The following OAS2 variants were observed in gnomAD, a reference collection of about 807,000 sequenced individuals.
The protein encoded by OAS2 is 2'-5'-oligoadenylate synthetase 2, also known as 2'-5'-oligoadenylate synthase 2.
A neutral mutation model predicts 71.3 loss-of-function variants in OAS2; 67 were observed. The observed-to-expected ratio is 0.94, with a 90% CI of 0.77 to 1.15. OAS2 has a LOEUF of 1.15. Ranked by LOEUF, OAS2 falls within the 50% of genes most tolerant of loss-of-function variation. The pLI is 0.00. For synonymous variants in OAS2, 327 were observed against 321.8 expected (o/e 1.02, Z -0.17); for missense variants, 789 against 822.5 (o/e 0.96, Z 0.50).
At chr12:112,991,539 C>G (rs1460164648) in intron 2 of OAS2, among the ~76,000 whole-genome samples, 1 of 152,192 alleles carries the variant, frequency 6.6e-6, no homozygotes, top group Non-Finnish European at 1.5e-5. Flanking sequence ...GGCGGGACAA[C>G]TCGAAGCAAA....
intron 2 of OAS2, among the ~76,000 whole-genome samples, chr12:112,989,278 C>T (rs547774683): frequency 3.3e-5 from 5 of 152,244 alleles, no homozygotes; most frequent in Non-Finnish European, 7.3e-5. Flanking sequence ...TGCTCTTCCA[C>T]CATGATTGTG....
chr12:112,997,076 C>A (rs1044645198), intron 3 of OAS2, among the ~76,000 whole-genome samples: 2 of 152,116 alleles, frequency 1.3e-5, no homozygotes, highest in African/African-American at 2.4e-5. Context: ...CTATAGGGAA[C>A]AAAACATCTT....
At position 112,978,742 on chromosome 12, in the gene OAS2, T is replaced by C. The variant is rs1198204912; in HGVS notation, c.134T>C (p.Leu45Pro). 1 of 1,614,108 alleles carries C rather than the reference T, an allele frequency of 6.2e-7. No individual in the cohort carries two copies. Among genetic ancestry groups the C allele is most frequent in the Non-Finnish European group, 8.5e-7 (1 of 1,179,992 alleles). Residue 45 changes from leucine to proline, a missense_variant, in exon 1 of 10, where the codon CTG becomes CCG. Coordinates refer to ENST00000392583, the MANE Select transcript of OAS2 (RefSeq NM_002535.3). This position sits in a 1 kb window ranked among gnomAD's most constrained non-coding sequence, Gnocchi z 4.2. ...DEMVNTICDV[L>P]QEPEQFPLVQ... ...ATGGTGAACACCATCTGTGACGTCC[T>C]GCAGGAACCCGAACAGTTCCCCCTG...
chr12:112,995,179 C>G lies in OAS2; in HGVS notation c.449-117C>G, dbSNP rs957388156. ...TATGTAAAGGTACCTGTCCTCTGACCGATTAAGCAAGAGTCGTGTGCTATC... is the reference window on the plus strand; with the variant it reads ...TATGTAAAGGTACCTGTCCTCTGACGGATTAAGCAAGAGTCGTGTGCTATC... On this transcript the variant is annotated intron_variant, in intron 2 of 9. Coordinates refer to ENST00000392583, the MANE Select transcript of OAS2 (RefSeq NM_002535.3). 4 of 876,090 alleles carry G rather than the reference C, an allele frequency of 4.6e-6. No homozygotes were observed. In the Admixed American group the frequency reaches 1.1e-4, roughly 23 times the overall value. The allele number at this position is 876,090 out of a possible 1,614,324, so 54.3% of individuals were successfully genotyped here.
Position 112,996,900 on chromosome 12 carries a change from C to T in OAS2, c.628-620C>T, listed in dbSNP as rs573542046. Among the ~76,000 whole-genome samples the T allele has an allele frequency of 2.6e-5, 4 of 152,260 alleles. No homozygotes were observed. In the East Asian group the frequency reaches 5.8e-4, roughly 22 times the overall value. ...CGTTAGCTCTGGCTCGTAGGTGTGACCTCCTCCAAAACCCTCAGGAAGAAA... is the reference window on the plus strand; with the variant it reads ...CGTTAGCTCTGGCTCGTAGGTGTGATCTCCTCCAAAACCCTCAGGAAGAAA... On this transcript the variant is annotated intron_variant, in intron 3 of 9. Transcript: ENST00000392583.
intron 1 of OAS2, among the ~76,000 whole-genome samples, chr12:112,985,942 A>G (rs1007340025): frequency 6.6e-6 from 1 of 152,264 alleles, no homozygotes; most frequent in African/African-American, 2.4e-5. Flanking sequence ...ACTATGCTCC[A>G]GCCTAGGTGA....
chr12:113,007,383 G>A (rs60269191), intron 8 of OAS2, among the ~76,000 whole-genome samples: 1,706 of 152,328 alleles, frequency 0.011, 27 homozygotes, highest in African/African-American at 0.039. Flanking sequence ...TAAAATGCAG[G>A]TCATGCTGCC....
chr12:112,989,611 A>G (rs1316272089), intron 2 of OAS2, among the ~76,000 whole-genome samples: 1 of 152,238 alleles, frequency 6.6e-6, no homozygotes, highest in East Asian at 1.9e-4. Context: ...TTTATCATGC[A>G]GCTGAAAACT....
intron 2 of OAS2, among the ~76,000 whole-genome samples, chr12:112,989,137 G>A (rs1482612179): frequency 2.6e-5 from 4 of 152,164 alleles, no homozygotes; most frequent in African/African-American, 7.2e-5. Flanking sequence ...GGAGGTAATT[G>A]AATCATGGAG....
chr12:113,004,863 T>A (rs779256441), intron 6 of OAS2, 71 bp from the exon 7 acceptor site: 1 of 1,518,382 alleles, frequency 6.6e-7, no homozygotes, highest in Non-Finnish European at 9.0e-7. Flanking sequence ...GCCCAACTGG[T>A]GCCAGCCCAC....
rs1392874250 is a variant in OAS2 at position 112,997,589 on chromosome 12, T to G, written c.697T>G (p.Trp233Gly). ...CCTGGAGCTGCTTACGGTGTATGCC[T>G]GGGAACAGGGGTGCAGAAAAGACAA... ...YALELLTVYA[W>G]EQGCRKDNFD... Residue 233 changes from tryptophan (W) to glycine (G), a missense_variant, in exon 4 of 10, where the codon TGG becomes GGG. Trp to Gly is a radical substitution (Grantham distance 184, BLOSUM62 -2). Coordinates refer to ENST00000392583, the MANE Select transcript of OAS2 (RefSeq NM_002535.3). 1 of 1,614,050 alleles carries G rather than the reference T, an allele frequency of 6.2e-7. No homozygotes were observed. The highest frequency in any genetic ancestry group is 1.3e-5 in the African/African-American group (1 of 74,922).
chr12:112,995,435 A>G lies in OAS2; in HGVS notation c.588A>G (p.Leu196=), dbSNP rs757018706. The G allele has an allele frequency of 1.2e-6, 2 of 1,614,166 alleles. No individual in the cohort carries two copies. The highest frequency in any genetic ancestry group is 1.7e-6 in the Non-Finnish European group (2 of 1,179,990). ...QKFFDNRPGK[L]KDLILLIKHW... is the part of the protein sequence containing the mutation. ...TTTTTGACAACCGTCCTGGAAAACT[A>G]AAGGATTTGATCCTCTTGATAAAGC... Residue 196 remains leucine (L), a synonymous_variant, in exon 3 of 10, where the codon CTA becomes CTG. Coordinates refer to ENST00000392583, the MANE Select transcript of OAS2 (RefSeq NM_002535.3).
Position 113,010,777 on chromosome 12 carries a change from A to G in OAS2, c.*1522A>G, listed in dbSNP as rs2044373932. ...AGCTCCTCCTTTTTCCTTCCAGTCT[A>G]AAAAAGGAATCCTCTGTGTCTTCAA... On this transcript the variant is annotated 3_prime_UTR_variant, in exon 10 of 10. Transcript: ENST00000392583. 1 of 215,366 alleles carries G rather than the reference A, an allele frequency of 4.6e-6. No homozygotes were observed. The allele number at this position is 215,366 out of a possible 1,614,324, so 13.3% of individuals were successfully genotyped here. A position where few individuals can be genotyped will look rare whatever the true frequency, so the allele number is the denominator to read the frequency against.
At chr12:112,980,074 C>G (rs183285791) in intron 1 of OAS2, among the ~76,000 whole-genome samples, 41 of 152,184 alleles carry the variant, frequency 2.7e-4, no homozygotes, top group African/African-American at 8.9e-4. Context: ...ATTGTTGTGT[C>G]AATTCCATTA....
At chr12:112,998,140 C>T in intron 4 of OAS2, 126 bp from the exon 5 acceptor site, 1 of 1,008,396 alleles carries the variant, frequency 9.9e-7, no homozygotes, top group Non-Finnish European at 1.5e-6. Flanking sequence ...CCCTCAGCAG[C>T]TTGGAGGAGC....
Position 113,007,857 on chromosome 12 carries a change from G to A in OAS2, c.1809G>A (p.Gln603=), listed in dbSNP as rs939541033. The A allele has an allele frequency of 3.1e-6, 5 of 1,614,068 alleles. No individual in the cohort carries two copies. The Admixed American group carries it at 5.0e-5, about 16-fold the overall frequency. Reference sequence around the variant, plus strand: ...TCCTGGAGCTGGTCACACAATATCAGCAGCTCTGCATCTTCTGGAAGGTCA... The same window carrying A: ...TCCTGGAGCTGGTCACACAATATCAACAGCTCTGCATCTTCTGGAAGGTCA... ...RTVLELVTQY[Q]QLCIFWKVNY... The change falls in exon 9 of 10, where the codon CAG becomes CAA. Residue 603 remains glutamine (Q), a synonymous_variant. Transcript: ENST00000392583.
chr12:113,009,419 C>A lies in OAS2; in HGVS notation c.*164C>A. The A allele has an allele frequency of 6.9e-7, 1 of 1,452,368 alleles. No homozygotes were observed. Among genetic ancestry groups the A allele is most frequent in the South Asian group, 1.5e-5 (1 of 68,706 alleles). The allele number at this position is 1,452,368 out of a possible 1,614,324, so 90.0% of individuals were successfully genotyped here. ...GCCCCCACTACAAGTGATCCTCAGG[C>A]AGGTAACCCCAGATTCATGCACTGT... is the stretch of plus-strand genomic sequence containing the variant. On this transcript the variant is annotated 3_prime_UTR_variant, in exon 10 of 10. Coordinates refer to ENST00000392583, the MANE Select transcript of OAS2 (RefSeq NM_002535.3).
At chr12:113,002,482 G>A (rs988454803) in intron 5 of OAS2, among the ~76,000 whole-genome samples, 13 of 152,170 alleles carry the variant, frequency 8.5e-5, no homozygotes, top group Admixed American at 3.3e-4. Context: ...GTTTAACGCA[G>A]GCTGATACAA....
intron 2 of OAS2, among the ~76,000 whole-genome samples, chr12:112,991,075 CAACT>C (rs2044187462): frequency 6.6e-6 from 1 of 152,200 alleles, no homozygotes; most frequent in Non-Finnish European, 1.5e-5. Context: ...CACTCACCAC[CAACT>C]AACTCTCTAT....
Sources: gnomAD v4.1 joint callset for allele counts (sites outside exome capture counted in the v4.1 genomes callset) on GRCh38, gnomAD v4.1.1 for gene constraint, Gnocchi (gnomAD v3.1) non-coding constraint, MANE v1.5 for transcripts, NCBI Gene and HGNC (gene_info 2026-07-23, HGNC 2026-07-21) for gene names.